Variants in DNAI2 observed in about 807,000 individuals in gnomAD.
DNAI2 encodes the protein dynein, axonemal, intermediate polypeptide 2.
In DNAI2, 63 loss-of-function variants were observed where a neutral mutation model predicts 74.7. The ratio of observed to expected loss-of-function variants is 0.84; its 90% CI spans 0.69 to 1.04. The LOEUF (loss-of-function observed/expected upper bound fraction) is 1.04. Ranked by LOEUF, DNAI2 falls within the 50% of genes least tolerant of loss-of-function variation. The pLI is 0.00. For synonymous variants in DNAI2, 289 were observed against 314.9 expected (o/e 0.92, Z 0.87); for missense variants, 688 against 803.2 (o/e 0.86, Z 1.73).
Position 74,314,290 on chromosome 17 carries a change from A to G in DNAI2, c.*55+19A>G. 1 of 1,607,120 alleles carries G rather than the reference A, an allele frequency of 6.2e-7. No individual in the cohort carries two copies. Among genetic ancestry groups the G allele is most frequent in the Admixed American group, 1.7e-5 (1 of 59,756 alleles). ...CCTCTTGGTATTGCCCCGCTCTCAC[A>G]AGTGGGAGGCTGAGCTCCGCCTTAA... On this transcript the variant is annotated intron_variant, in intron 13 of 13. Coordinates refer to ENST00000311014, the MANE Select transcript of DNAI2 (RefSeq NM_023036.6).
Position 74,307,097 on chromosome 17 carries a change from C to T in DNAI2, c.1211+1655C>T, listed in dbSNP as rs537281546. On this transcript the variant is annotated intron_variant, in intron 9 of 13. Transcript: ENST00000311014. ...TGTCCTCATTCTACAGGGGTGGGAA[C>T]GCTGGCTGACAAGGGCAGTGCATTG... 449 of 360,308 alleles carry T rather than the reference C, an allele frequency of 1.2e-3. 1 individual carries two copies. Among genetic ancestry groups the T allele is most frequent in the African/African-American group, 8.7e-3 (407 of 46,908 alleles). The allele number at this position is 360,308 out of a possible 1,614,324, so 22.3% of individuals were successfully genotyped here. A position where few individuals can be genotyped will look rare whatever the true frequency, so the allele number is the denominator to read the frequency against.
intron 6 of DNAI2, among the ~76,000 whole-genome samples, chr17:74,295,011 G>T (rs1219307077): frequency 2.0e-5 from 3 of 152,002 alleles, no homozygotes; most frequent in Non-Finnish European, 4.4e-5. Context: ...TCTTCTGCCT[G>T]CTCAAATATG....
rs117643450 is a variant in DNAI2 at position 74,305,052 on chromosome 17, G to A, written c.988-167G>A. Reference sequence around the variant, plus strand: ...AAAAAGATGGGGTCTGAGGAGCCCGGGAAGAGTGGGGACTGCTCTCCAGGA... The same window carrying A: ...AAAAAGATGGGGTCTGAGGAGCCCGAGAAGAGTGGGGACTGCTCTCCAGGA... On this transcript the variant is annotated intron_variant, in intron 8 of 13. Coordinates refer to ENST00000311014, the MANE Select transcript of DNAI2 (RefSeq NM_023036.6). Among the ~76,000 whole-genome samples the A allele has an allele frequency of 3.2e-3, 482 of 152,302 alleles. 5 individuals are homozygous for A. The highest frequency in any genetic ancestry group is 7.5e-3 in the South Asian group (36 of 4,828).
chr17:74,312,955 CA>C (rs939583340), intron 12 of DNAI2, among the ~76,000 whole-genome samples: 2 of 152,214 alleles, frequency 1.3e-5, no homozygotes, highest in African/African-American at 4.8e-5. Flanking sequence ...GGAAAAGAAA[CA>C]GCGGGTATAT....
intron 12 of DNAI2, among the ~76,000 whole-genome samples, chr17:74,312,510 G>A (rs2053594931): frequency 6.6e-6 from 1 of 152,150 alleles, no homozygotes; most frequent in Non-Finnish European, 1.5e-5. Context: ...GAAAATGCGT[G>A]TTGAGTGACT....
Position 74,299,857 on chromosome 17 carries a change from G to A in DNAI2, c.864G>A (p.Gln288=). The part of the protein sequence containing the change: ...TECFSASTDG[Q]VMWWDIRKMS... ...GCTTCTCAGCTTCCACGGATGGGCA[G>A]GTACCCACCAGCCAGACACTGGAGA... Residue 288 remains glutamine, a splice_region_variant and synonymous_variant, in exon 7 of 14, where the codon CAG becomes CAA. Coordinates refer to ENST00000311014, the MANE Select transcript of DNAI2 (RefSeq NM_023036.6). 6.2e-7 allele frequency: 1 copy of A among 1,613,482 alleles called. No homozygotes were observed. The highest frequency in any genetic ancestry group is 8.5e-7 in the Non-Finnish European group (1 of 1,180,024).
intron 3 of DNAI2, 82 bp from the exon 4 acceptor site, chr17:74,286,895 C>G: frequency 1.3e-6 from 2 of 1,588,814 alleles, no homozygotes; most frequent in Non-Finnish European, 1.7e-6. Context: ...TATGTCCTGT[C>G]CCTCCCAGAC....
intron 1 of DNAI2, among the ~76,000 whole-genome samples, chr17:74,276,247 G>C (rs2051070341): frequency 1.3e-5 from 2 of 152,156 alleles, no homozygotes; most frequent in African/African-American, 4.8e-5. Context: ...CCATCTGACT[G>C]CCTCCCCGGG....
rs2143902452 is a variant in DNAI2 at position 74,285,032 on chromosome 17, C to T, written c.184-8C>T. ...GTGACGTCTTCCCTCCTGCGGCTCT[C>T]TGTTTAGGCCAACTCAGAGCGGTTT... On this transcript the variant is annotated splice_region_variant and splice_polypyrimidine_tract_variant and intron_variant, in intron 2 of 13. Transcript: ENST00000311014. 6.2e-7 allele frequency: 1 copy of T among 1,614,168 alleles called. No individual in the cohort carries two copies. The highest frequency in any genetic ancestry group is 8.5e-7 in the Non-Finnish European group (1 of 1,180,040).
chr17:74,302,772 G>T (rs776419137), intron 8 of DNAI2, among the ~76,000 whole-genome samples: 2 of 152,194 alleles, frequency 1.3e-5, no homozygotes, highest in Non-Finnish European at 2.9e-5. Flanking sequence ...CCCCTTGGGG[G>T]TGTCACTTGT....
chr17:74,276,174 G>A (rs757969084), intron 1 of DNAI2, among the ~76,000 whole-genome samples: 1 of 152,144 alleles, frequency 6.6e-6, no homozygotes, highest in Admixed American at 6.6e-5. Flanking sequence ...GTTCTCTCCA[G>A]GAATTACTTT....
chr17:74,281,310 G>A (rs1018456303), intron 1 of DNAI2, among the ~76,000 whole-genome samples: 2 of 151,914 alleles, frequency 1.3e-5, no homozygotes, highest in Admixed American at 1.3e-4. Context: ...CCATGCTGGA[G>A]TGCAATGGTG....
At chr17:74,284,094 C>T (rs1274738298) in intron 2 of DNAI2, among the ~76,000 whole-genome samples, 4 of 149,130 alleles carry the variant, frequency 2.7e-5, no homozygotes, top group Admixed American at 6.7e-5. Context: ...GCCGAGATTC[C>T]GCCATTGCAT....
intron 2 of DNAI2, among the ~76,000 whole-genome samples, chr17:74,284,221 T>TA (rs57863144): frequency 5.8e-4 from 82 of 140,904 alleles, no homozygotes; most frequent in East Asian, 4.2e-3. Flanking sequence ...GACCCTCTCT[T>TA]AAAAAAAAAA....
At chr17:74,303,352 C>T (rs536680930) in intron 8 of DNAI2, among the ~76,000 whole-genome samples, 6 of 152,218 alleles carry the variant, frequency 3.9e-5, no homozygotes, top group Admixed American at 6.5e-5. Context: ...CACTGACGGG[C>T]GGCGTGCAGT....
chr17:74,284,930 C>T (rs557343311), intron 2 of DNAI2, 110 bp from the exon 3 acceptor site: 62 of 1,393,704 alleles, frequency 4.4e-5, no homozygotes, highest in East Asian at 2.1e-4. Flanking sequence ...CCGGCCAGGG[C>T]GCCTCAGCAT....
At chr17:74,299,931 C>T (rs2052664904) in intron 7 of DNAI2, 74 bp downstream of exon 7, 3 of 1,593,292 alleles carry the variant, frequency 1.9e-6, no homozygotes, top group African/African-American at 1.3e-5. Context: ...CCCATCAGAA[C>T]CCCTGGGGAC....
intron 9 of DNAI2, 83 bp downstream of exon 9, chr17:74,305,525 G>C (rs553864148): frequency 7.7e-7 from 1 of 1,298,256 alleles, no homozygotes; most frequent in African/African-American, 1.5e-5. Context: ...GGAGAGTCCC[G>C]AGCCTCCATA....
intron 6 of DNAI2, among the ~76,000 whole-genome samples, chr17:74,294,911 A>C (rs1315638568): frequency 6.6e-6 from 1 of 152,050 alleles, no homozygotes; most frequent in Non-Finnish European, 1.5e-5. Context: ...GGTGTCCCAT[A>C]GGTCTTTAGA....
Sources: gnomAD v4.1 joint callset for allele counts (sites outside exome capture counted in the v4.1 genomes callset) on GRCh38, gnomAD v4.1.1 for gene constraint, MANE v1.5 for transcripts, NCBI Gene and HGNC (gene_info 2026-07-23, HGNC 2026-07-21) for gene names.